The following CACNA1A variants were observed in gnomAD, a reference collection of about 807,000 sequenced individuals.
The protein encoded by CACNA1A is voltage-dependent P/Q-type calcium channel subunit alpha-1A.
A neutral mutation model predicts 262.4 loss-of-function variants in CACNA1A; 57 were observed. The observed-to-expected ratio is 0.22, with a 90% CI of 0.18 to 0.27. The LOEUF (loss-of-function observed/expected upper bound fraction) is 0.27, where lower values mean the gene tolerates loss of function less well. CACNA1A is among the 10% of genes least tolerant of loss of function. The probability of loss-of-function intolerance (pLI) is 1.00; values close to 1 mark genes in which losing one functional copy is unlikely to be tolerated. For missense variants in CACNA1A, 2,526 were observed against 3,562.8 expected, an observed-to-expected ratio of 0.71 and a Z score of 7.41; for synonymous variants, 1,431 against 1,419.3, an observed-to-expected ratio of 1.01 and a Z score of -0.18.
At position 13,433,206 on chromosome 19, in the gene CACNA1A, T is replaced by C. The variant is rs58342425; in HGVS notation, c.539+19670A>G. ...TACTCGAGAGGCTGAGGCAGGAGAATGGCATGAACCTGGGAGATGGGGCTT... is the reference window on the plus strand; with the variant it reads ...TACTCGAGAGGCTGAGGCAGGAGAACGGCATGAACCTGGGAGATGGGGCTT... On this transcript the variant is annotated intron_variant, in intron 3 of 46. Transcript: ENST00000360228. 3.0e-3 allele frequency among the ~76,000 whole-genome samples: 449 copies of C among 148,666 alleles called. 1 individual carries two copies. Among genetic ancestry groups the C allele is most frequent in the African/African-American group, 0.011 (423 of 40,186 alleles).
intron 35 of CACNA1A, 44 bp from the exon 36 acceptor site, chr19:13,230,253 G>A (rs763791416): frequency 1.2e-5 from 19 of 1,609,200 alleles, no homozygotes; most frequent in East Asian, 4.5e-5. Flanking sequence ...GGCAGAGACC[G>A]AGGGAATGAA....
chr19:13,434,632 T>A (rs1250218728), intron 3 of CACNA1A, among the ~76,000 whole-genome samples: 1 of 152,144 alleles, frequency 6.6e-6, no homozygotes, highest in Non-Finnish European at 1.5e-5. Context: ...TGAGGACACC[T>A]GCTCCAGCTT....
At chr19:13,297,474 G>C (rs1259190570) in intron 19 of CACNA1A, among the ~76,000 whole-genome samples, 1 of 152,142 alleles carries the variant, frequency 6.6e-6, no homozygotes, top group Non-Finnish European at 1.5e-5. Context: ...AGGAGTTGGG[G>C]ACCAGCCTGG....
chr19:13,373,868 T>G (rs979015386), intron 3 of CACNA1A, among the ~76,000 whole-genome samples: 2 of 152,168 alleles, frequency 1.3e-5, no homozygotes, highest in African/African-American at 4.8e-5. Flanking sequence ...CCCTGCCCCA[T>G]GGAGCTGATG....
chr19:13,212,667 G>C lies in CACNA1A; in HGVS notation c.6014C>G (p.Ala2005Gly). ...TGGGTCCAGCTGGGTGGAGGGGAGGGCGTTCTGGCCAGGTCCCCCTTCCTG... is the reference window on the plus strand; with the variant it reads ...TGGGTCCAGCTGGGTGGAGGGGAGGCCGTTCTGGCCAGGTCCCCCTTCCTG... ...PTQEGGPGQN[A>G]LPSTQLDPGG... The change falls in exon 41 of 47, where the codon GCC becomes GGC. Residue 2005 changes from alanine to glycine, a missense_variant. Physicochemically the swap from Ala to Gly is moderately conservative, Grantham distance 60 (BLOSUM62 0). This residue lies in a region of CACNA1A where 929 missense variants were observed against 868.1 expected (regional missense o/e 1.07). Coordinates refer to ENST00000360228, the MANE Select transcript of CACNA1A (RefSeq NM_001127222.2). The surrounding 1 kb of genome is among the most constrained non-coding windows in gnomAD (Gnocchi z 5.6). 6.6e-7 allele frequency: 1 copy of C among 1,516,278 alleles called. No individual in the cohort carries two copies. The highest frequency in any genetic ancestry group is 8.8e-7 in the Non-Finnish European group (1 of 1,131,870). The allele number at this position is 1,516,278 out of a possible 1,614,324, so 93.9% of individuals were successfully genotyped here. A position where few individuals can be genotyped will look rare whatever the true frequency, so the allele number is the denominator to read the frequency against.
intron 6 of CACNA1A, among the ~76,000 whole-genome samples, chr19:13,349,599 T>C (rs562095654): frequency 1.5e-4 from 23 of 152,258 alleles, no homozygotes; most frequent in Middle Eastern, 3.4e-3. Flanking sequence ...ACTCATGGGG[T>C]TCCCCATTCT....
At chr19:13,270,221 CACAGAGAGGCTAAA>C (rs1449426231) in intron 24 of CACNA1A, among the ~76,000 whole-genome samples, 8 of 152,120 alleles carry the variant, frequency 5.3e-5, no homozygotes, top group African/African-American at 1.9e-4. Context: ...AAAACTGAGG[CACAGAGAGGCTAAA>C]GGACTTGCAC....
At chr19:13,305,152 G>A (rs1289365227) in intron 15 of CACNA1A, among the ~76,000 whole-genome samples, 1 of 152,194 alleles carries the variant, frequency 6.6e-6, no homozygotes, top group African/African-American at 2.4e-5. Flanking sequence ...GTGATCAAGC[G>A]AGTTTCCACT....
At chr19:13,488,339 C>T (rs1392813922) in intron 1 of CACNA1A, among the ~76,000 whole-genome samples, 1 of 151,446 alleles carries the variant, frequency 6.6e-6, no homozygotes, top group Non-Finnish European at 1.5e-5. Context: ...CAAATCTCTC[C>T]AGCATCTGTG....
At chr19:13,481,154 T>G (rs552602510) in intron 1 of CACNA1A, among the ~76,000 whole-genome samples, 1 of 152,286 alleles carries the variant, frequency 6.6e-6, no homozygotes, top group South Asian at 2.1e-4. Flanking sequence ...TGACCAGAAC[T>G]CTCATTACCA....
intron 9 of CACNA1A, among the ~76,000 whole-genome samples, chr19:13,332,542 C>T (rs1200945470): frequency 6.6e-6 from 1 of 152,182 alleles, no homozygotes; most frequent in Non-Finnish European, 1.5e-5. Flanking sequence ...TGACCCCATG[C>T]CAGGCACTAT....
At chr19:13,320,966 A>C (rs2058239487) in intron 10 of CACNA1A, among the ~76,000 whole-genome samples, 1 of 151,818 alleles carries the variant, frequency 6.6e-6, no homozygotes, top group Non-Finnish European at 1.5e-5. Context: ...GTTCAGGGTC[A>C]GCCACATTCA....
intron 1 of CACNA1A, among the ~76,000 whole-genome samples, chr19:13,475,395 A>C (rs1342245050): frequency 2.6e-5 from 4 of 152,186 alleles, no homozygotes; most frequent in Admixed American, 6.5e-5. Flanking sequence ...CATCCATGAC[A>C]GTGGAGGCAG....
intron 3 of CACNA1A, among the ~76,000 whole-genome samples, chr19:13,393,618 C>CT (rs540602476): frequency 7.1e-6 from 1 of 140,714 alleles, no homozygotes; most frequent in Non-Finnish European, 1.5e-5. Flanking sequence ...TCCTTCCTTC[C>CT]TTTTTTTCTT....
At chr19:13,497,444 C>A (rs1417632021) in intron 1 of CACNA1A, among the ~76,000 whole-genome samples, 4 of 119,032 alleles carry the variant, frequency 3.4e-5, no homozygotes, top group African/African-American at 1.3e-4. Context: ...GCCGAGATCG[C>A]GCCATTGCAC....
chr19:13,207,943 C>T lies in CACNA1A; in HGVS notation c.6891G>A (p.Val2297=). ...CCTTACGGATCACAGGGGAATAGGA[C>T]ACGTGTGGCCGGGGGGTGGAGGGGG... ...PQTPSTPRPH[V]SYSPVIRKAG... Residue 2297 remains valine, a synonymous_variant, in exon 47 of 47, where the codon GTG becomes GTA. Coordinates refer to ENST00000360228, the MANE Select transcript of CACNA1A (RefSeq NM_001127222.2). The surrounding 1 kb of genome is among the most constrained non-coding windows in gnomAD (Gnocchi z 5.7). 1.4e-6 allele frequency: 2 copies of T among 1,397,550 alleles called. No individual in the cohort carries two copies. Among genetic ancestry groups the T allele is most frequent in the South Asian group, 1.6e-5 (1 of 61,152 alleles). 86.6% of individuals were successfully genotyped at this position (1,397,550 alleles called of 1,614,324 possible).
chr19:13,235,393 T>C (rs1329944623), intron 32 of CACNA1A, 119 bp from the exon 33 acceptor site: 4 of 999,758 alleles, frequency 4.0e-6, no homozygotes, highest in Non-Finnish European at 6.2e-6. Context: ...CGTGCCAGAG[T>C]CCTTCCAGGG....
At chr19:13,370,488 G>A (rs573466262) in intron 4 of CACNA1A, among the ~76,000 whole-genome samples, 19 of 151,904 alleles carry the variant, frequency 1.3e-4, no homozygotes, top group East Asian at 5.8e-4. Flanking sequence ...GAGTGCAGTG[G>A]TGCTATCACA....
At chr19:13,300,114 C>T (rs1268242727) in intron 18 of CACNA1A, among the ~76,000 whole-genome samples, 3 of 152,154 alleles carry the variant, frequency 2.0e-5, no homozygotes, top group Admixed American at 1.3e-4. Context: ...CAGTCCACAG[C>T]CCCGGGACTG....
Sources: gnomAD v4.1 joint callset for allele counts (sites outside exome capture counted in the v4.1 genomes callset) on GRCh38, gnomAD v4.1.1 for gene constraint, gnomAD v4.1.1 regional missense constraint, Gnocchi (gnomAD v3.1) non-coding constraint, MANE v1.5 for transcripts, NCBI Gene and HGNC (gene_info 2026-07-23, HGNC 2026-07-21) for gene names.